The following PRAP1 variants were observed in gnomAD, a reference collection of about 807,000 sequenced individuals.
PRAP1 encodes proline-rich acidic protein 1.
In PRAP1, 12 loss-of-function variants were observed where a neutral mutation model predicts 14.6. That is an observed-to-expected ratio of 0.82 (90% CI 0.53 to 1.33). The LOEUF (loss-of-function observed/expected upper bound fraction) is 1.33, where lower values mean the gene tolerates loss of function less well. Ranked by LOEUF, PRAP1 falls within the 40% of genes most tolerant of loss-of-function variation. The pLI is 0.00. For missense variants in PRAP1, 160 were observed against 193.7 expected (o/e 0.83, Z 1.03); for synonymous variants, 81 against 80.3 (o/e 1.01, Z -0.04).
In PRAP1 at chr10:133,352,153, T is replaced by C. The variant is rs190925364; in HGVS notation, c.262+13T>C. On this transcript the variant is annotated intron_variant, in intron 4 of 4. Transcript: ENST00000433452. ...CCCATCCTTCCAGGTGGGCACAAGG[T>C]CACAGCAGCAGAGTCCGCTCGTGGG... 258 of 1,612,532 alleles carry C rather than the reference T, an allele frequency of 1.6e-4. No homozygotes were observed. In the African/African-American group the frequency reaches 3.2e-3, roughly 20 times the overall value.
At chr10:133,349,232 C>T (rs939085741) in intron 1 of PRAP1, among the ~76,000 whole-genome samples, 4 of 151,036 alleles carry the variant, frequency 2.6e-5, no homozygotes, top group Non-Finnish European at 5.9e-5. Flanking sequence ...CACATACATG[C>T]ACACACAGCA....
rs180827853 is a variant in PRAP1, at chr10:133,348,704, T to C, written c.8+1279T>C. The stretch of plus-strand genomic sequence containing the variant: ...AATTTTTTTTTTTTTTTTTTTGTAT[T>C]TTTAGTAGAGACAAGTTTTCACCAT... On this transcript the variant is annotated intron_variant, in intron 1 of 4. Coordinates refer to ENST00000433452, the MANE Select transcript of PRAP1 (RefSeq NM_145202.5). Among the ~76,000 whole-genome samples, 311 of 151,486 alleles carry C rather than the reference T, an allele frequency of 2.1e-3. 1 individual carries two copies. The highest frequency in any genetic ancestry group is 7.2e-3 in the African/African-American group (299 of 41,290).
In PRAP1 at chr10:133,347,538, G is replaced by T. The variant is rs1041888865; in HGVS notation, c.8+113G>T. The T allele has an allele frequency of 5.3e-6, 6 of 1,126,064 alleles. No homozygotes were observed. The highest frequency in any genetic ancestry group is 6.3e-6 in the Non-Finnish European group (5 of 799,172). 69.8% of individuals were successfully genotyped at this position (1,126,064 alleles called of 1,614,324 possible). A position where few individuals can be genotyped will look rare whatever the true frequency, so the allele number is the denominator to read the frequency against. On this transcript the variant is annotated intron_variant, in intron 1 of 4. Coordinates refer to ENST00000433452, the MANE Select transcript of PRAP1 (RefSeq NM_145202.5). The surrounding 1 kb of genome is among the most constrained non-coding windows in gnomAD (Gnocchi z 5.0). ...GCTCCAGGGGGCCTGGTTCAGGGGA[G>T]TGTGCGGGTGGGAGGGAGAAGGAGG...
Position 133,350,174 on chromosome 10 carries a change from C to A in PRAP1, c.75+13C>A. ...CCCAGCACCCAAGGTAGGTGTGAGCCCCTCCCATCTGGGCAGCAACTCCAG... is the reference window on the plus strand; with the variant it reads ...CCCAGCACCCAAGGTAGGTGTGAGCACCTCCCATCTGGGCAGCAACTCCAG... On this transcript the variant is annotated intron_variant, in intron 2 of 4. Transcript: ENST00000433452. 1.9e-6 allele frequency: 3 copies of A among 1,611,390 alleles called. No homozygotes were observed. The highest frequency in any genetic ancestry group is 2.5e-6 in the Non-Finnish European group (3 of 1,178,494).
rs1312856881 is a variant in PRAP1, at chr10:133,351,198, C to G, written c.76-183C>G. 6.6e-6 allele frequency among the ~76,000 whole-genome samples: 1 copy of G among 152,204 alleles called. No homozygotes were observed. The highest frequency in any genetic ancestry group is 2.4e-5 in the African/African-American group (1 of 41,454). The stretch of plus-strand genomic sequence containing the variant: ...GGCAACCTCAATCCCGGCTTGCAAT[C>G]CCAACACCCGAGAGTGGCTTGCCCA... On this transcript the variant is annotated intron_variant, in intron 2 of 4. Coordinates refer to ENST00000433452, the MANE Select transcript of PRAP1 (RefSeq NM_145202.5). This position sits in a 1 kb window ranked among gnomAD's most constrained non-coding sequence, Gnocchi z 4.3.
At chr10:133,348,310 C>A (rs1364047661) in intron 1 of PRAP1, among the ~76,000 whole-genome samples, 1 of 152,176 alleles carries the variant, frequency 6.6e-6, no homozygotes, top group Non-Finnish European at 1.5e-5. Context: ...CGAACCAGAC[C>A]AGACCAGGTC....
At position 133,350,127 on chromosome 10, in the gene PRAP1, T is replaced by G. The variant is rs764971143; in HGVS notation, c.41T>G (p.Leu14Arg). ...LLLVTSLVVV[L>R]LWEAGAVPAP... Reference sequence around the variant, plus strand: ...CTGGTCACCAGCCTGGTGGTTGTGCTGCTGTGGGAGGCAGGTGCAGTCCCA... The same window carrying G: ...CTGGTCACCAGCCTGGTGGTTGTGCGGCTGTGGGAGGCAGGTGCAGTCCCA... Residue 14 changes from leucine (L) to arginine (R), a missense_variant, in exon 2 of 5, where the codon CTG (leucine) becomes CGG (arginine). By Grantham distance (102) the Leu-to-Arg change is moderately radical. Coordinates refer to ENST00000433452, the MANE Select transcript of PRAP1 (RefSeq NM_145202.5). The G allele has an allele frequency of 3.7e-6, 6 of 1,613,554 alleles. No individual in the cohort carries two copies. The highest frequency in any genetic ancestry group is 1.7e-4 in the Middle Eastern group (1 of 6,056).
intron 1 of PRAP1, among the ~76,000 whole-genome samples, chr10:133,349,768 G>T (rs1848648523): frequency 6.6e-6 from 1 of 152,200 alleles, no homozygotes. Flanking sequence ...CACGTGGAGG[G>T]CGGCACAGAG....
Position 133,351,461 on chromosome 10 carries a change from C to T in PRAP1, c.128+28C>T. The T allele has an allele frequency of 6.5e-7, 1 of 1,539,396 alleles. No individual in the cohort carries two copies. The highest frequency in any genetic ancestry group is 1.4e-5 in the African/African-American group (1 of 73,660). ...AAGTCCCCCCAACCCCACCTCCCCA[C>T]CACCCATTCCCTGAAGCTACAGCCC... On this transcript the variant is annotated intron_variant, in intron 3 of 4. Transcript: ENST00000433452. The surrounding 1 kb of genome is among the most constrained non-coding windows in gnomAD (Gnocchi z 4.3).
chr10:133,352,098 G>A lies in PRAP1; in HGVS notation c.220G>A (p.Glu74Lys), dbSNP rs966729148. The A allele has an allele frequency of 1.5e-5, 24 of 1,612,098 alleles. No homozygotes were observed. The highest frequency in any genetic ancestry group is 6.7e-5 in the Admixed American group (4 of 60,000). Residue 74 changes from glutamate to lysine, a missense_variant, in exon 4 of 5, where the codon GAG becomes AAG. Glu to Lys is a moderately conservative substitution (Grantham distance 56). Transcript: ENST00000433452. ...CCAGAAGCCGAAACTCTTGACCACC[G>A]AGGAGAAGCCACGAGGTCAGGGCAG... Reference protein sequence around the residue: ...PVQKPKLLTTEEKPRGQGRGP... With the variant: ...PVQKPKLLTTKEKPRGQGRGP...
chr10:133,350,218 A>T, intron 2 of PRAP1, 57 bp downstream of exon 2: 1 of 1,487,724 alleles, frequency 6.7e-7, no homozygotes, highest in East Asian at 2.3e-5. Flanking sequence ...TTCTGCCCCT[A>T]CAGCAGGGGA....
chr10:133,351,070 TGGGAGTGCTAGGTCA>T lies in PRAP1; in HGVS notation c.76-306_76-292del, dbSNP rs1848669996. 1.3e-5 allele frequency among the ~76,000 whole-genome samples: 2 copies of T among 152,164 alleles called. No individual in the cohort carries two copies. The highest frequency in any genetic ancestry group is 4.1e-4 in the South Asian group (2 of 4,830). On this transcript the variant is annotated intron_variant, in intron 2 of 4. Coordinates refer to ENST00000433452, the MANE Select transcript of PRAP1 (RefSeq NM_145202.5). The surrounding 1 kb of genome is among the most constrained non-coding windows in gnomAD (Gnocchi z 4.3). ...CAGCCAGTGCATTGACGGCCAGGGT[TGGGAGTGCTAGGTCA>T]GGGATACGGTGCCAGGTTACATCCC...
At chr10:133,349,891 G>C (rs186130967) in intron 1 of PRAP1, among the ~76,000 whole-genome samples, 4 of 152,240 alleles carry the variant, frequency 2.6e-5, no homozygotes, top group Non-Finnish European at 2.9e-5. Context: ...TCTGGCCTGA[G>C]GGGGGCTGGA....
Position 133,351,282 on chromosome 10 carries a change from AC to A in PRAP1, c.76-95del. On this transcript the variant is annotated intron_variant, in intron 2 of 4. Coordinates refer to ENST00000433452, the MANE Select transcript of PRAP1 (RefSeq NM_145202.5). This position sits in a 1 kb window ranked among gnomAD's most constrained non-coding sequence, Gnocchi z 4.3. ...GCCCCCACCCCCTGCAGCCACCTCC[AC>A]CCCATGCAGCCCCAGGTGGGCCTCG... 1 of 678,110 alleles carries A rather than the reference AC, an allele frequency of 1.5e-6. No homozygotes were observed. The highest frequency in any genetic ancestry group is 2.4e-6 in the Non-Finnish European group (1 of 411,218). 42.0% of individuals were successfully genotyped at this position (678,110 alleles called of 1,614,324 possible). A position where few individuals can be genotyped will look rare whatever the true frequency, so the allele number is the denominator to read the frequency against.
Position 133,351,981 on chromosome 10 carries a change from T to G in PRAP1, c.129-26T>G. The G allele has an allele frequency of 6.2e-7, 1 of 1,609,798 alleles. No homozygotes were observed. Among genetic ancestry groups the G allele is most frequent in the South Asian group, 1.1e-5 (1 of 90,890 alleles). ...TCTGTCCACCTCCCCCACCTGCATG[T>G]GGACCTGACCAAACTGTGCCAGCAG... On this transcript the variant is annotated intron_variant, in intron 3 of 4. Transcript: ENST00000433452. This position sits in a 1 kb window ranked among gnomAD's most constrained non-coding sequence, Gnocchi z 4.3.
In PRAP1 at chr10:133,347,882, G is replaced by C. The variant is rs1249433322; in HGVS notation, c.8+457G>C. On this transcript the variant is annotated intron_variant, in intron 1 of 4. Transcript: ENST00000433452. This position sits in a 1 kb window ranked among gnomAD's most constrained non-coding sequence, Gnocchi z 5.0. ...AATCAGAGGCTGCCTTCCTTCTGTG[G>C]GGGTGTCTGTCTTCCCCCTCCTTGT... Among the ~76,000 whole-genome samples the C allele has an allele frequency of 6.6e-6, 1 of 152,170 alleles. No homozygotes were observed. The highest frequency in any genetic ancestry group is 1.5e-5 in the Non-Finnish European group (1 of 68,006).
intron 1 of PRAP1, 32 bp from the exon 2 acceptor site, chr10:133,350,063 A>G: frequency 6.4e-7 from 1 of 1,560,242 alleles, no homozygotes; most frequent in South Asian, 1.1e-5. Flanking sequence ...CCCTTCCCCT[A>G]CCTCACACTT....
chr10:133,352,505 C>G lies in PRAP1; in HGVS notation c.*65C>G, dbSNP rs553431648. 3.0e-5 allele frequency: 41 copies of G among 1,387,122 alleles called. No homozygotes were observed. The Middle Eastern group carries it at 9.1e-4, about 31-fold the overall frequency. 85.9% of individuals were successfully genotyped at this position (1,387,122 alleles called of 1,614,324 possible). On this transcript the variant is annotated 3_prime_UTR_variant, in exon 5 of 5. Transcript: ENST00000433452. ...CCCAGGCTGTTGGGACTGGGACCCT[C>G]CCTACCCTGCCCCAGCTAGACAAAT...
intron 1 of PRAP1, among the ~76,000 whole-genome samples, chr10:133,348,281 TGAG>T (rs1246374522): frequency 6.6e-6 from 1 of 152,132 alleles, no homozygotes; most frequent in Non-Finnish European, 1.5e-5. Context: ...CTGGGGGTCC[TGAG>T]GAGAAGCAGG....
Sources: allele counts gnomAD v4.1 joint callset (sites outside exome capture counted in the v4.1 genomes callset), GRCh38; gene constraint gnomAD v4.1.1; non-coding constraint Gnocchi (gnomAD v3.1); transcripts MANE v1.5; gene names NCBI Gene and HGNC (gene_info 2026-07-23, HGNC 2026-07-21).